Variants in HIP1 observed in about 807,000 individuals in gnomAD.
HIP1 encodes huntingtin-interacting protein 1.
Under a neutral mutation model 147.6 loss-of-function variants are expected in HIP1, and 65 were observed. That is an observed-to-expected ratio of 0.44 (90% CI 0.36 to 0.54). The LOEUF is 0.54. HIP1 is among the 20% of genes least tolerant of loss of function. The pLI is 0.00. For synonymous variants in HIP1, 479 were observed against 504.0 expected, an observed-to-expected ratio of 0.95 and a Z score of 0.67; for missense variants, 1,061 against 1,299.6, an observed-to-expected ratio of 0.82 and a Z score of 2.82.
intron 1 of HIP1, among the ~76,000 whole-genome samples, chr7:75,634,578 A>G (rs1357506565): frequency 6.6e-5 from 10 of 152,190 alleles, no homozygotes; most frequent in Admixed American, 6.5e-4. Context: ...AAACGTGGCT[A>G]ATCACTTCTG....
chr7:75,551,846 C>T (rs1158732922), intron 22 of HIP1, among the ~76,000 whole-genome samples: 3 of 152,036 alleles, frequency 2.0e-5, no homozygotes, highest in African/African-American at 7.2e-5. Context: ...TTTTTATTAT[C>T]TTCTTCTGGA....
chr7:75,640,440 A>T (rs2117159647), intron 1 of HIP1, among the ~76,000 whole-genome samples: 1 of 152,276 alleles, frequency 6.6e-6, no homozygotes, highest in African/African-American at 2.4e-5. Flanking sequence ...AATAATGAAC[A>T]GGTGGGCCTG....
intron 13 of HIP1, 106 bp from the exon 14 acceptor site, chr7:75,560,021 C>T (rs1293815024): frequency 9.0e-7 from 1 of 1,117,054 alleles, no homozygotes; most frequent in African/African-American, 1.6e-5. Context: ...ACCTGATTCC[C>T]CTAAGTCAAC....
At position 75,582,059 on chromosome 7, in the gene HIP1, G is replaced by A. The variant is rs1258632687; in HGVS notation, c.542+16C>T. The A allele has an allele frequency of 6.2e-7, 1 of 1,609,328 alleles. No homozygotes were observed. The highest frequency in any genetic ancestry group is 8.5e-7 in the Non-Finnish European group (1 of 1,176,328). ...AAGCTTTCTCCCTCCCTGGGCTCAG[G>A]GCAGGAGCCACTTACAAGTTGTTCA... On this transcript the variant is annotated intron_variant, in intron 6 of 30. Coordinates refer to ENST00000336926, the MANE Select transcript of HIP1 (RefSeq NM_005338.7).
intron 1 of HIP1, among the ~76,000 whole-genome samples, chr7:75,619,667 T>C (rs1797779209): frequency 2.0e-5 from 3 of 152,144 alleles, no homozygotes; most frequent in African/African-American, 7.2e-5. Context: ...AAAATGTGAA[T>C]TGCCACTAAG....
chr7:75,537,658 CA>C lies in HIP1; in HGVS notation c.*513del. On this transcript the variant is annotated 3_prime_UTR_variant, in exon 31 of 31. Coordinates refer to ENST00000336926, the MANE Select transcript of HIP1 (RefSeq NM_005338.7). ...GCCGTCCTTCTGACTGTGCAGATCT[CA>C]GGGTAGTGTCCTGGTTTGGAATCCA... The C allele has an allele frequency of 4.2e-6, 1 of 238,082 alleles. No homozygotes were observed. The highest frequency in any genetic ancestry group is 8.3e-6 in the Non-Finnish European group (1 of 121,160). 14.7% of individuals were successfully genotyped at this position (238,082 alleles called of 1,614,324 possible). A position where few individuals can be genotyped will look rare whatever the true frequency, so the allele number is the denominator to read the frequency against.
intron 5 of HIP1, among the ~76,000 whole-genome samples, chr7:75,585,010 A>G (rs909143310): frequency 1.4e-5 from 2 of 147,230 alleles, no homozygotes; most frequent in Non-Finnish European, 3.0e-5. Context: ...CACCACGCCC[A>G]GCTAATTTTT....
chr7:75,587,465 T>G (rs1554499820), intron 4 of HIP1, among the ~76,000 whole-genome samples: 1 of 152,236 alleles, frequency 6.6e-6, no homozygotes, highest in Non-Finnish European at 1.5e-5. Flanking sequence ...CTTCTTAAAC[T>G]TTCTTTCATT....
At chr7:75,678,286 A>C (rs1173589999) in intron 1 of HIP1, among the ~76,000 whole-genome samples, 2 of 150,584 alleles carry the variant, frequency 1.3e-5, no homozygotes, top group African/African-American at 2.4e-5. Flanking sequence ...AGCAAGAGAT[A>C]CTTTGCTCAA....
intron 1 of HIP1, among the ~76,000 whole-genome samples, chr7:75,706,115 G>A (rs939791991): frequency 6.6e-6 from 1 of 151,874 alleles, no homozygotes; most frequent in Non-Finnish European, 1.5e-5. Context: ...GGCTGGTCTC[G>A]AACTCCTGAT....
At position 75,535,458 on chromosome 7, in the gene HIP1, C is replaced by T. The variant is rs150664744; in HGVS notation, c.*2714G>A. ...GCAGCCTCGACTTCCCAAGCTCAAGCAATTCTCCCACCTTAGCTCCCCAAC... is the reference window on the plus strand; with the variant it reads ...GCAGCCTCGACTTCCCAAGCTCAAGTAATTCTCCCACCTTAGCTCCCCAAC... On this transcript the variant is annotated 3_prime_UTR_variant, in exon 31 of 31. Transcript: ENST00000336926. The T allele has an allele frequency of 1.1e-4, 20 of 180,778 alleles. No individual in the cohort carries two copies. In the East Asian group the frequency reaches 1.7e-3, roughly 16 times the overall value. 11.2% of individuals were successfully genotyped at this position (180,778 alleles called of 1,614,324 possible).
At chr7:75,637,791 C>T (rs1798477809) in intron 1 of HIP1, among the ~76,000 whole-genome samples, 1 of 151,898 alleles carries the variant, frequency 6.6e-6, no homozygotes, top group Admixed American at 6.6e-5. Context: ...AGGACTCTCC[C>T]CTGTCATCAG....
intron 1 of HIP1, among the ~76,000 whole-genome samples, chr7:75,618,419 G>A (rs1021749091): frequency 6.6e-6 from 1 of 152,126 alleles, no homozygotes; most frequent in African/African-American, 2.4e-5. Flanking sequence ...CCAAAGTGCT[G>A]GGATTACAGG....
intron 1 of HIP1, among the ~76,000 whole-genome samples, chr7:75,687,498 C>T (rs1232317357): frequency 6.6e-6 from 1 of 152,176 alleles, no homozygotes; most frequent in Non-Finnish European, 1.5e-5. Context: ...TCGAGACCAG[C>T]CTTGGCAACA....
intron 1 of HIP1, among the ~76,000 whole-genome samples, chr7:75,621,198 C>T (rs587729342): frequency 2.6e-5 from 4 of 152,102 alleles, no homozygotes; most frequent in African/African-American, 9.7e-5. Context: ...CAGAGTGAGA[C>T]CCTGTCTCAA....
rs1470167820 is a variant in HIP1 at position 75,640,563 on chromosome 7, C to G, written c.121-41316G>C. ...GGCCAGGAGTTCAAGACCAGCCTGG[C>G]CAAAATGACGAAACTCCCGTCTCTA... is the stretch of plus-strand genomic sequence containing the variant. On this transcript the variant is annotated intron_variant, in intron 1 of 30. Transcript: ENST00000336926. Among the ~76,000 whole-genome samples, 3 of 151,932 alleles carry G rather than the reference C, an allele frequency of 2.0e-5. No homozygotes were observed. The East Asian group carries it at 5.8e-4, about 30-fold the overall frequency.
intron 1 of HIP1, among the ~76,000 whole-genome samples, chr7:75,697,414 AAAAG>A (rs1347643173): frequency 5.9e-5 from 9 of 152,170 alleles, no homozygotes; most frequent in Admixed American, 4.6e-4. Context: ...TTCTCTAAGA[AAAAG>A]AAAGAAAGAA....
rs587627543 is a variant in HIP1 at position 75,565,859 on chromosome 7, G to A, written c.803+2340C>T. Reference sequence around the variant, plus strand: ...CAATTCTCCTGCCTCAGCCTCCTGAGTAGCTGGGATTACAGGGCTAATTTT... The same window carrying A: ...CAATTCTCCTGCCTCAGCCTCCTGAATAGCTGGGATTACAGGGCTAATTTT... On this transcript the variant is annotated intron_variant, in intron 9 of 30. Coordinates refer to ENST00000336926, the MANE Select transcript of HIP1 (RefSeq NM_005338.7). 8.1e-4 allele frequency among the ~76,000 whole-genome samples: 119 copies of A among 146,208 alleles called. 4 individuals carry two copies. Among genetic ancestry groups the A allele is most frequent in the African/African-American group, 3.1e-3 (112 of 36,070 alleles).
intron 1 of HIP1, among the ~76,000 whole-genome samples, chr7:75,686,621 C>T (rs1399939718): frequency 6.6e-6 from 1 of 151,918 alleles, no homozygotes; most frequent in African/African-American, 2.4e-5. Context: ...TTCTTATCAA[C>T]TGATGACCAT....
Sources: gnomAD v4.1 joint callset for allele counts (sites outside exome capture counted in the v4.1 genomes callset) on GRCh38, gnomAD v4.1.1 for gene constraint, MANE v1.5 for transcripts, NCBI Gene and HGNC (gene_info 2026-07-23, HGNC 2026-07-21) for gene names.